The following PCDHA1 variants were observed in gnomAD, a reference collection of about 807,000 sequenced individuals.
PCDHA1 encodes the protein protocadherin alpha-1.
In PCDHA1, 42 loss-of-function variants were observed where a neutral mutation model predicts 61.3. That is an observed-to-expected ratio of 0.69 (90% CI 0.54 to 0.89). The LOEUF (loss-of-function observed/expected upper bound fraction) is 0.89, where lower values mean the gene tolerates loss of function less well. Among genes scored for constraint, PCDHA1 ranks in the 40% least tolerant of loss-of-function variants. The pLI, the probability that PCDHA1 is intolerant of heterozygous loss-of-function variation, is 0.00. For synonymous variants in PCDHA1, 610 were observed against 553.8 expected, an observed-to-expected ratio of 1.10 and a Z score of -1.43; for missense variants, 1,256 against 1,235.3, an observed-to-expected ratio of 1.02 and a Z score of -0.25.
intron 1 of PCDHA1, among the ~76,000 whole-genome samples, chr5:140,873,949 C>G (rs1161044001): frequency 1.3e-5 from 2 of 152,218 alleles, no homozygotes; most frequent in Non-Finnish European, 1.5e-5. Flanking sequence ...GTGTAAGTCA[C>G]TGAGCCCAGC....
chr5:140,882,024 G>A lies in PCDHA1; in HGVS notation c.2394+93340G>A, dbSNP rs4151690. On this transcript the variant is annotated intron_variant, in intron 1 of 3. Transcript: ENST00000504120. ...AGGGGCAAAAAAATACTACATCAAT[G>A]GAAAATATGAAGACTGAGTCATACT... is the stretch of plus-strand genomic sequence containing the variant. 118 of 580,388 alleles carry A rather than the reference G, an allele frequency of 2.0e-4. 2 individuals carry two copies. The highest frequency in any genetic ancestry group is 1.6e-3 in the East Asian group (53 of 32,696). The allele number at this position is 580,388 out of a possible 1,614,324, so 36.0% of individuals were successfully genotyped here. A position where few individuals can be genotyped will look rare whatever the true frequency, so the allele number is the denominator to read the frequency against.
At chr5:140,803,236 C>T in intron 1 of PCDHA1, 1 of 1,613,802 alleles carries the variant, frequency 6.2e-7, no homozygotes, top group Non-Finnish European at 8.5e-7. Flanking sequence ...AAGGCCTCGT[C>T]CCAGGCGTCC....
At chr5:140,900,924 A>C (rs553059638) in intron 1 of PCDHA1, among the ~76,000 whole-genome samples, 1 of 152,216 alleles carries the variant, frequency 6.6e-6, no homozygotes, top group South Asian at 2.1e-4. Flanking sequence ...ATGATATCTC[A>C]TTGTAGTTTT....
At chr5:140,807,851 T>C in intron 1 of PCDHA1, 1 of 1,614,070 alleles carries the variant, frequency 6.2e-7, no homozygotes, top group Non-Finnish European at 8.5e-7. Context: ...CAAACCCGAG[T>C]TGACTGGCAC....
intron 1 of PCDHA1, among the ~76,000 whole-genome samples, chr5:140,837,977 C>T (rs1377931639): frequency 6.6e-6 from 1 of 151,682 alleles, no homozygotes; most frequent in Non-Finnish European, 1.5e-5. Flanking sequence ...CCACACCCAG[C>T]CTGCCTTTCA....
intron 1 of PCDHA1, chr5:140,807,019 G>A: frequency 1.2e-6 from 1 of 815,356 alleles, no homozygotes; most frequent in East Asian, 2.6e-5. Flanking sequence ...AAATACATGA[G>A]AGAAGGAGGA....
At chr5:140,953,135 G>C (rs1331167155) in intron 1 of PCDHA1, among the ~76,000 whole-genome samples, 2 of 152,126 alleles carry the variant, frequency 1.3e-5, no homozygotes, top group Non-Finnish European at 2.9e-5. Flanking sequence ...CCGTATCACT[G>C]TTATATTTCT....
At position 140,845,518 on chromosome 5, in the gene PCDHA1, T is replaced by C. The variant is rs984046956; in HGVS notation, c.2394+56834T>C. On this transcript the variant is annotated intron_variant, in intron 1 of 3. Coordinates refer to ENST00000504120, the MANE Select transcript of PCDHA1 (RefSeq NM_018900.4). ...AAAGTCTAAACCTATTTCTTGTACATTAATACTTTTCACTATTCTAATTAT... is the reference window on the plus strand; with the variant it reads ...AAAGTCTAAACCTATTTCTTGTACACTAATACTTTTCACTATTCTAATTAT... Among the ~76,000 whole-genome samples the C allele has an allele frequency of 1.3e-5, 2 of 149,636 alleles. 1 individual carries two copies. The highest frequency in any genetic ancestry group is 3.0e-5 in the Non-Finnish European group (2 of 66,854).
At chr5:140,863,914 T>C (rs2048229981) in intron 1 of PCDHA1, 1 of 162,444 alleles carries the variant, frequency 6.2e-6, no homozygotes, top group Non-Finnish European at 1.4e-5. Context: ...GGCACAAGAA[T>C]TGCTTGAACC....
rs2150160526 is a variant in PCDHA1 at position 140,828,906 on chromosome 5, G to C, written c.2394+40222G>C. The C allele has an allele frequency of 2.8e-5, 45 of 1,614,124 alleles. No homozygotes were observed. The highest frequency in any genetic ancestry group is 3.6e-5 in the Non-Finnish European group (42 of 1,180,056). The stretch of plus-strand genomic sequence containing the variant: ...CTGAATGCTTCTGATCGGGATGAAG[G>C]AGCGAATGGGGCAATTTCATATTCT... On this transcript the variant is annotated intron_variant, in intron 1 of 3. Coordinates refer to ENST00000504120, the MANE Select transcript of PCDHA1 (RefSeq NM_018900.4).
chr5:140,876,660 G>A, intron 1 of PCDHA1: 1 of 1,614,216 alleles, frequency 6.2e-7, no homozygotes, highest in Non-Finnish European at 8.5e-7. Flanking sequence ...TTCCCTTCAA[G>A]CTGGTGTCCA....
chr5:140,971,165 G>C (rs1390176241), intron 1 of PCDHA1, among the ~76,000 whole-genome samples: 1 of 152,136 alleles, frequency 6.6e-6, no homozygotes, highest in Non-Finnish European at 1.5e-5. Context: ...GCTCAGCTTT[G>C]CCACCAGCTG....
In PCDHA1 at chr5:141,009,754, C is replaced by A. The variant is rs200585286; in HGVS notation, c.2670C>A (p.Ile890=). 18 of 1,614,022 alleles carry A rather than the reference C, an allele frequency of 1.1e-5. No individual in the cohort carries two copies. Among genetic ancestry groups the A allele is most frequent in the Non-Finnish European group, 1.5e-5 (18 of 1,180,034 alleles). ...GTGAGTTGCCCGACAAATTCATTAT[C>A]CCAGGATCTCCTGCAATCATCTCCA... The part of the protein sequence containing the change: ...GPGELPDKFI[I]PGSPAIISIR... The change falls in exon 4 of 4, where the codon ATC becomes ATA. Residue 890 remains isoleucine, a synonymous_variant. Coordinates refer to ENST00000504120, the MANE Select transcript of PCDHA1 (RefSeq NM_018900.4).
At chr5:140,852,582 AT>A (rs2150518947) in intron 1 of PCDHA1, 40,508 of 639,920 alleles carry the variant, frequency 0.063, 8 homozygotes, top group South Asian at 0.073. Flanking sequence ...AGGCTTTTTT[AT>A]TTTTTTTTTT....
chr5:140,872,338 A>T (rs970096150), intron 1 of PCDHA1, among the ~76,000 whole-genome samples: 2 of 152,156 alleles, frequency 1.3e-5, no homozygotes, highest in Non-Finnish European at 2.9e-5. Context: ...AAAATTCTAC[A>T]TGTTCTTGCC....
rs115674887 is a variant in PCDHA1, at chr5:140,842,176, T to G, written c.2394+53492T>G. 1,504 of 1,613,900 alleles carry G rather than the reference T, an allele frequency of 9.3e-4. 22 individuals are homozygous for G. The African/African-American group carries it at 0.018, about 19-fold the overall frequency. ...TTTCATATTCTTTTAATAGCCTTGT[T>G]GAAACTATGGTTATTGACCACTTTA... On this transcript the variant is annotated intron_variant, in intron 1 of 3. Transcript: ENST00000504120.
intron 1 of PCDHA1, among the ~76,000 whole-genome samples, chr5:140,923,753 TG>T (rs1217230498): frequency 6.6e-6 from 1 of 152,174 alleles, no homozygotes; most frequent in Non-Finnish European, 1.5e-5. Context: ...AGGCATATGG[TG>T]GGACAAATCC....
In PCDHA1 at chr5:140,850,201, G is replaced by A. The variant is rs202136378; in HGVS notation, c.2394+61517G>A. The A allele has an allele frequency of 1.6e-5, 25 of 1,593,494 alleles. 3 individuals carry two copies. Among genetic ancestry groups the A allele is most frequent in the Middle Eastern group, 2.1e-4 (1 of 4,666 alleles). On this transcript the variant is annotated intron_variant, in intron 1 of 3. Coordinates refer to ENST00000504120, the MANE Select transcript of PCDHA1 (RefSeq NM_018900.4). ...AATGCGCCGGCGCTGCTGACACCTC[G>A]GATGAGGGGCACTGACGGCGCAGTG...
At chr5:140,842,023 T>C (rs1777651230) in intron 1 of PCDHA1, 1 of 1,613,718 alleles carries the variant, frequency 6.2e-7, no homozygotes, top group Non-Finnish European at 8.5e-7. Context: ...CAGTGCTGGA[T>C]GTGAATGATA....
Sources: allele counts gnomAD v4.1 joint callset (sites outside exome capture counted in the v4.1 genomes callset), GRCh38; gene constraint gnomAD v4.1.1; transcripts MANE v1.5; gene names NCBI Gene and HGNC (gene_info 2026-07-23, HGNC 2026-07-21).